Variants in PCDHGA4 observed in about 807,000 individuals in gnomAD.
PCDHGA4 encodes the protein protocadherin gamma-A4.
Under a neutral mutation model 54.6 loss-of-function variants are expected in PCDHGA4, and 38 were observed. The ratio of observed to expected loss-of-function variants is 0.70; its 90% CI spans 0.54 to 0.91. PCDHGA4 has a LOEUF of 0.91. PCDHGA4 is among the 40% of genes least tolerant of loss of function. The pLI, the probability that PCDHGA4 is intolerant of heterozygous loss-of-function variation, is 0.00. For missense variants in PCDHGA4, 1,298 were observed against 1,220.9 expected, an observed-to-expected ratio of 1.06 and a Z score of -0.94; for synonymous variants, 511 against 512.9, an observed-to-expected ratio of 1.00 and a Z score of 0.05.
At chr5:141,413,001 G>C in intron 1 of PCDHGA4, 1 of 592,908 alleles carries the variant, frequency 1.7e-6, no homozygotes, top group Non-Finnish European at 2.8e-6. Flanking sequence ...CGGATTCTCA[G>C]GGCTTCAACT....
At chr5:141,366,037 A>G (rs1276608872) in intron 1 of PCDHGA4, 1 of 1,614,112 alleles carries the variant, frequency 6.2e-7, no homozygotes, top group African/African-American at 1.3e-5. Flanking sequence ...CCCTCCCCAC[A>G]GACGGTTCCA....
intron 1 of PCDHGA4, chr5:141,404,212 C>T: frequency 3.7e-6 from 6 of 1,613,616 alleles, no homozygotes; most frequent in Non-Finnish European, 5.1e-6. Flanking sequence ...AATATAATAT[C>T]ACGGTGACTG....
rs2099623857 is a variant in PCDHGA4, at chr5:141,486,060, A to ACC, written c.2515-8744_2515-8743dup. On this transcript the variant is annotated intron_variant, in intron 1 of 3. Transcript: ENST00000571252. This position sits in a 1 kb window ranked among gnomAD's most constrained non-coding sequence, Gnocchi z 5.0. Reference sequence around the variant, plus strand: ...CGTGTAAGAAACCTCTTTAGCCTGCACCCCACTACTGGAAAGCTTACTCTT... The same window carrying ACC: ...CGTGTAAGAAACCTCTTTAGCCTGCACCCCCCACTACTGGAAAGCTTACTCTT... The ACC allele has an allele frequency of 1.2e-6, 2 of 1,613,980 alleles. No homozygotes were observed. The highest frequency in any genetic ancestry group is 1.7e-6 in the Non-Finnish European group (2 of 1,179,980).
chr5:141,418,006 C>T, intron 1 of PCDHGA4: 7 of 1,613,896 alleles, frequency 4.3e-6, no homozygotes, highest in Non-Finnish European at 5.9e-6. Flanking sequence ...TGGTGGGGAA[C>T]CTCGCTAAGG....
At chr5:141,419,542 G>C (rs771168003) in intron 1 of PCDHGA4, 3 of 1,612,016 alleles carry the variant, frequency 1.9e-6, no homozygotes, top group South Asian at 2.2e-5. Flanking sequence ...ACGCACCGCG[G>C]GTGCTGTACC....
In PCDHGA4 at chr5:141,408,711, A is replaced by T. The variant is rs763392682; in HGVS notation, c.2514+51090A>T. The T allele has an allele frequency of 9.3e-6, 15 of 1,612,568 alleles. No homozygotes were observed. In the East Asian group the frequency reaches 3.3e-4, roughly 36 times the overall value. On this transcript the variant is annotated intron_variant, in intron 1 of 3. Transcript: ENST00000571252. The stretch of plus-strand genomic sequence containing the variant: ...ATAAACATAAACTCAATTAAAGATT[A>T]TAAGATAAACTCTAATCCTTATTTT...
chr5:141,413,965 C>G (rs2095696868), intron 1 of PCDHGA4: 2 of 1,613,292 alleles, frequency 1.2e-6, no homozygotes, highest in East Asian at 2.2e-5. Context: ...TGTGGGCACT[C>G]AGCTGCTGAC....
intron 1 of PCDHGA4, chr5:141,365,877 C>G (rs1764180285): frequency 1.2e-6 from 2 of 1,614,008 alleles, no homozygotes; most frequent in East Asian, 4.5e-5. Context: ...GTCCTGTATG[C>G]TCTGAGATCC....
chr5:141,443,478 C>T (rs2098390426), intron 1 of PCDHGA4, among the ~76,000 whole-genome samples: 1 of 152,052 alleles, frequency 6.6e-6, no homozygotes, highest in East Asian at 1.9e-4. Context: ...AGAATTAGAC[C>T]CTGTCCCAAA....
At chr5:141,384,579 C>T (rs746315101) in intron 1 of PCDHGA4, 13 of 1,614,128 alleles carry the variant, frequency 8.1e-6, no homozygotes, top group African/African-American at 8.0e-5. Flanking sequence ...ACAACCCGCC[C>T]GAGATCCTGT....
chr5:141,427,905 A>G (rs754321006), intron 1 of PCDHGA4: 1 of 1,574,682 alleles, frequency 6.4e-7, no homozygotes, highest in South Asian at 1.1e-5. Context: ...GCCCGCGCTC[A>G]GCGCCAACAT....
At chr5:141,374,328 G>T in intron 1 of PCDHGA4, 1 of 1,613,996 alleles carries the variant, frequency 6.2e-7, no homozygotes, top group Non-Finnish European at 8.5e-7. Flanking sequence ...CCGCGAAACG[G>T]CAGCTTGGTC....
chr5:141,427,805 A>G lies in PCDHGA4; in HGVS notation c.2515-67002A>G, dbSNP rs1010656936. The G allele has an allele frequency of 3.3e-6, 5 of 1,520,154 alleles. No homozygotes were observed. In the African/African-American group the frequency reaches 4.1e-5, roughly 12 times the overall value. 94.2% of individuals were successfully genotyped at this position (1,520,154 alleles called of 1,614,324 possible). ...TGTCGTCCTACGTGTCCGTGAGCGC[A>G]CAGAGCGGGGTGGTGGTCGCGCAGC... On this transcript the variant is annotated intron_variant, in intron 1 of 3. Coordinates refer to ENST00000571252, the MANE Select transcript of PCDHGA4 (RefSeq NM_018917.4).
Position 141,409,297 on chromosome 5 carries a change from T to TGTGAATG in PCDHGA4, c.2514+51678_2514+51679insGAATGGT, listed in dbSNP as rs774936669. On this transcript the variant is annotated intron_variant, in intron 1 of 3. Transcript: ENST00000571252. ...TGGAGAATTCACCTCCAGGAATGGT[T>TGTGAATG]GTTGCCCTCTTCAAAACACGGGATC... The TGTGAATG allele has an allele frequency of 1.3e-5, 21 of 1,613,888 alleles. No homozygotes were observed. In the African/African-American group the frequency reaches 2.7e-4, roughly 21 times the overall value.
chr5:141,416,011 GGTAA>G (rs1031382322), intron 1 of PCDHGA4: 25 of 239,912 alleles, frequency 1.0e-4, no homozygotes, highest in Non-Finnish European at 3.9e-5. Flanking sequence ...GGTAAGAATA[GGTAA>G]GTATCAGAAA....
chr5:141,508,901 C>T (rs1466455227), intron 3 of PCDHGA4, among the ~76,000 whole-genome samples: 1 of 151,946 alleles, frequency 6.6e-6, no homozygotes, highest in South Asian at 2.1e-4. Flanking sequence ...GGGGGCGGGG[C>T]GGTGGCGGAT....
intron 1 of PCDHGA4, chr5:141,423,431 G>T: frequency 6.2e-7 from 1 of 1,614,010 alleles, no homozygotes; most frequent in South Asian, 1.1e-5. Context: ...GGGTTGGCAG[G>T]TATGCCCACG....
intron 1 of PCDHGA4, chr5:141,475,974 A>G: frequency 1.0e-6 from 1 of 975,714 alleles, no homozygotes; most frequent in Non-Finnish European, 1.5e-6. Flanking sequence ...GCAGAGACTG[A>G]ACAGCCGGCG....
At chr5:141,381,396 T>C (rs890483811) in intron 1 of PCDHGA4, among the ~76,000 whole-genome samples, 2 of 152,262 alleles carry the variant, frequency 1.3e-5, no homozygotes, top group African/African-American at 4.8e-5. Context: ...AGTTTTACTC[T>C]ATCAACATCA....
Sources: allele counts gnomAD v4.1 joint callset (sites outside exome capture counted in the v4.1 genomes callset), GRCh38; gene constraint gnomAD v4.1.1; non-coding constraint Gnocchi (gnomAD v3.1); transcripts MANE v1.5; gene names NCBI Gene and HGNC (gene_info 2026-07-23, HGNC 2026-07-21).